GTF3C6: variants seen among roughly 807,000 people sequenced by gnomAD.
GTF3C6 encodes the protein general transcription factor 3C polypeptide 6.
In GTF3C6, 11 loss-of-function variants were observed where a neutral mutation model predicts 19.2. That is an observed-to-expected ratio of 0.57 (90% CI 0.36 to 0.95). The LOEUF (loss-of-function observed/expected upper bound fraction) is 0.95. GTF3C6 is among the 40% of genes least tolerant of loss of function. The pLI is 0.01. For synonymous variants in GTF3C6, 87 were observed against 84.2 expected, an observed-to-expected ratio of 1.03 and a Z score of -0.18; for missense variants, 222 against 254.7, an observed-to-expected ratio of 0.87 and a Z score of 0.87.
In GTF3C6 at chr6:110,960,382, T is replaced by G. The variant is rs199578949; in HGVS notation, c.139-32T>G. ...ATGTTGAAGCCTTTTTCTAATTATG[T>G]TTTTTTTTTATGATCCTTTATTCTG... On this transcript the variant is annotated intron_variant, in intron 2 of 5. Coordinates refer to ENST00000329970, the MANE Select transcript of GTF3C6 (RefSeq NM_138408.4). The G allele has an allele frequency of 5.0e-4, 443 of 885,316 alleles. 1 individual carries two copies. In the African/African-American group the frequency reaches 0.011, roughly 22 times the overall value. The allele number at this position is 885,316 out of a possible 1,614,324, so 54.8% of individuals were successfully genotyped here. A position where few individuals can be genotyped will look rare whatever the true frequency, so the allele number is the denominator to read the frequency against.
At chr6:110,965,042 C>T (rs1478504789) in intron 5 of GTF3C6, among the ~76,000 whole-genome samples, 2 of 151,530 alleles carry the variant, frequency 1.3e-5, no homozygotes, top group East Asian at 1.9e-4. Flanking sequence ...CCATGTTGGT[C>T]AGGCTGGTCT....
chr6:110,966,600 A>G (rs1172171878), intron 5 of GTF3C6, among the ~76,000 whole-genome samples: 1 of 152,172 alleles, frequency 6.6e-6, no homozygotes, highest in African/African-American at 2.4e-5. Context: ...CAGTCTGGCT[A>G]CCAAACACGG....
intron 2 of GTF3C6, among the ~76,000 whole-genome samples, 163 bp downstream of exon 2, chr6:110,959,415 A>G (rs1383044016): frequency 6.6e-6 from 1 of 152,192 alleles, no homozygotes; most frequent in Non-Finnish European, 1.5e-5. Flanking sequence ...ATTAATATGT[A>G]ATTAAGTATA....
At chr6:110,962,772 TTC>T (rs200620237) in intron 5 of GTF3C6, among the ~76,000 whole-genome samples, 1 of 150,026 alleles carries the variant, frequency 6.7e-6, no homozygotes, top group East Asian at 2.5e-4. Context: ...CCAGCCAATT[TTC>T]TTTTTTTTTC....
At chr6:110,960,345 A>T in intron 2 of GTF3C6, 69 bp from the exon 3 acceptor site, 1 of 1,356,854 alleles carries the variant, frequency 7.4e-7, no homozygotes, top group Non-Finnish European at 1.0e-6. Context: ...TTTCCTTGGT[A>T]GCAAGGTTAC....
Position 110,958,826 on chromosome 6 carries a change from GGTA to G in GTF3C6, c.57+4_57+6del. ...AGGACGGAGAAGACGAGGAAGAGGAGGTAGTAAGCGCTACGCCAAAAGCCTGCA... is the reference window on the plus strand; with the variant it reads ...AGGACGGAGAAGACGAGGAAGAGGAGGTAAGCGCTACGCCAAAAGCCTGCA... On this transcript the variant is annotated splice_donor_variant and splice_donor_region_variant and intron_variant, in intron 1 of 5. Transcript: ENST00000329970. LOFTEE classifies it high-confidence loss of function. The G allele has an allele frequency of 1.3e-6, 2 of 1,551,186 alleles. No homozygotes were observed. Among genetic ancestry groups the G allele is most frequent in the Non-Finnish European group, 1.7e-6 (2 of 1,146,914 alleles).
Position 110,965,723 on chromosome 6 carries a change from C to G in GTF3C6, c.362-1787C>G, listed in dbSNP as rs115343858. On this transcript the variant is annotated intron_variant, in intron 5 of 5. Coordinates refer to ENST00000329970, the MANE Select transcript of GTF3C6 (RefSeq NM_138408.4). ...CCTAGTCTTTAATAATCTGACAGAT[C>G]TTTGGGAATATTTGGGTGTTTTGTT... 4.0e-3 allele frequency among the ~76,000 whole-genome samples: 606 copies of G among 152,254 alleles called. 4 individuals carry two copies. The highest frequency in any genetic ancestry group is 0.014 in the African/African-American group (572 of 41,560).
chr6:110,961,638 A>G (rs6937367), intron 4 of GTF3C6, among the ~76,000 whole-genome samples: 37,590 of 152,072 alleles, frequency 0.25, 5,367 homozygotes, highest in East Asian at 0.65. Context: ...GCAGGTTGGC[A>G]GCAATTTTTT....
chr6:110,962,841 C>T (rs533123281), intron 5 of GTF3C6, among the ~76,000 whole-genome samples: 3 of 152,042 alleles, frequency 2.0e-5, no homozygotes, highest in African/African-American at 4.8e-5. Context: ...TGCAGTGTCG[C>T]GATCTCGGCT....
intron 5 of GTF3C6, among the ~76,000 whole-genome samples, chr6:110,965,178 T>C (rs1208467798): frequency 1.4e-5 from 2 of 147,992 alleles, no homozygotes; most frequent in African/African-American, 2.5e-5. Flanking sequence ...GATCTTACTA[T>C]GTTACCCAGC....
chr6:110,965,444 A>G (rs906254662), intron 5 of GTF3C6, among the ~76,000 whole-genome samples: 1 of 128,684 alleles, frequency 7.8e-6, no homozygotes, highest in Admixed American at 7.2e-5. Flanking sequence ...GATTCTCATG[A>G]TGAGTATAGC....
In GTF3C6 at chr6:110,960,219, C is replaced by CT. The variant is rs540543972; in HGVS notation, c.139-193dup. The stretch of plus-strand genomic sequence containing the variant: ...ATGTTGATTGAAATAAACCTTGTTA[C>CT]TTGAGTATGAATTAAGTAGTCTTCA... On this transcript the variant is annotated intron_variant, in intron 2 of 5. Coordinates refer to ENST00000329970, the MANE Select transcript of GTF3C6 (RefSeq NM_138408.4). Among the ~76,000 whole-genome samples the CT allele has an allele frequency of 1.8e-4, 28 of 152,270 alleles. No individual in the cohort carries two copies. The South Asian group carries it at 5.6e-3, about 30-fold the overall frequency.
chr6:110,959,962 A>T (rs79205781), intron 2 of GTF3C6, among the ~76,000 whole-genome samples: 1,510 of 95,260 alleles, frequency 0.016, 20 homozygotes, highest in African/African-American at 0.062. Flanking sequence ...CCATCTCAAT[A>T]AAAAAAAAAA....
At position 110,967,779 on chromosome 6, in the gene GTF3C6, ATGC is replaced by A; in HGVS notation, c.635_637del (p.Leu212del). On this transcript the variant is annotated inframe_deletion, in exon 6 of 6. Transcript: ENST00000329970. ...AGGTTCTGTTTTTATGGAAACTCAA[ATGC>A]TGCCTTAGAAATCACTCCTAGATGA... is the stretch of plus-strand genomic sequence containing the variant. 6.2e-7 allele frequency: 1 copy of A among 1,602,012 alleles called. No homozygotes were observed. The highest frequency in any genetic ancestry group is 8.5e-7 in the Non-Finnish European group (1 of 1,175,296).
chr6:110,965,836 AAAC>A (rs1771222825), intron 5 of GTF3C6, among the ~76,000 whole-genome samples: 4 of 152,334 alleles, frequency 2.6e-5, no homozygotes, highest in East Asian at 1.9e-4. Flanking sequence ...TGACAGCTTA[AAAC>A]AACAACAAAA....
In GTF3C6 at chr6:110,958,857, G is replaced by A. The variant is rs1343866851; in HGVS notation, c.57+31G>A. ...AAGCGCTACGCCAAAAGCCTGCACCGCAGTGGCGGTGATGCCTGTGCTGGC... is the reference window on the plus strand; with the variant it reads ...AAGCGCTACGCCAAAAGCCTGCACCACAGTGGCGGTGATGCCTGTGCTGGC... On this transcript the variant is annotated intron_variant, in intron 1 of 5. Coordinates refer to ENST00000329970, the MANE Select transcript of GTF3C6 (RefSeq NM_138408.4). 7 of 1,547,154 alleles carry A rather than the reference G, an allele frequency of 4.5e-6. No individual in the cohort carries two copies. The South Asian group carries it at 8.3e-5, about 18-fold the overall frequency.
chr6:110,967,109 T>TAC (rs1202565920), intron 5 of GTF3C6, among the ~76,000 whole-genome samples: 3 of 151,894 alleles, frequency 2.0e-5, no homozygotes, highest in African/African-American at 7.2e-5. Flanking sequence ...GCCAAGATCG[T>TAC]ACCCACTGCA....
chr6:110,965,281 ATTC>A (rs1333052258), intron 5 of GTF3C6, among the ~76,000 whole-genome samples: 1 of 151,800 alleles, frequency 6.6e-6, no homozygotes, highest in African/African-American at 2.4e-5. Context: ...GCATCCACTT[ATTC>A]TTCTTCACTT....
intron 5 of GTF3C6, among the ~76,000 whole-genome samples, chr6:110,964,243 TTTTTG>T (rs1771199957): frequency 6.6e-6 from 1 of 151,508 alleles, no homozygotes; most frequent in African/African-American, 2.4e-5. Flanking sequence ...CTTTTTTTTG[TTTTTG>T]TTTTCTTTTT....
Sources: gnomAD v4.1 joint callset for allele counts (sites outside exome capture counted in the v4.1 genomes callset) on GRCh38, gnomAD v4.1.1 for gene constraint, MANE v1.5 for transcripts, NCBI Gene and HGNC (gene_info 2026-07-23, HGNC 2026-07-21) for gene names.